ASB5: variants seen among roughly 807,000 people sequenced by gnomAD.
ASB5 encodes ankyrin repeat and SOCS box containing 5, also known as ankyrin repeat and SOCS box protein 5.
A neutral mutation model predicts 42.1 loss-of-function variants in ASB5; 45 were observed. The ratio of observed to expected loss-of-function variants is 1.07; its 90% CI spans 0.84 to 1.37. The LOEUF is 1.37. Ranked by LOEUF, ASB5 falls within the 40% of genes most tolerant of loss-of-function variation. The pLI is 0.00. For missense variants in ASB5, 402 were observed against 399.8 expected (o/e 1.01, Z -0.05); for synonymous variants, 147 against 150.6 (o/e 0.98, Z 0.18).
chr4:176,268,884 G>A (rs1249156254), intron 1 of ASB5, 29 bp downstream of exon 1: 1 of 1,498,990 alleles, frequency 6.7e-7, no homozygotes, highest in Non-Finnish European at 9.0e-7. Flanking sequence ...AACTCCACTT[G>A]AAACAAGAGA....
intron 1 of ASB5, among the ~76,000 whole-genome samples, chr4:176,238,105 C>T (rs1318918616): frequency 6.6e-6 from 1 of 151,658 alleles, no homozygotes; most frequent in Non-Finnish European, 1.5e-5. Context: ...CGCCTGTAGT[C>T]CCAGCTACTC....
At chr4:176,218,711 G>T (rs1228494790) in intron 5 of ASB5, among the ~76,000 whole-genome samples, 1 of 22,964 alleles carries the variant, frequency 4.4e-5, no homozygotes, top group African/African-American at 1.6e-4. Context: ...ATATATATTT[G>T]TATGATATAT....
At chr4:176,254,913 C>G (rs563816471) in intron 1 of ASB5, among the ~76,000 whole-genome samples, 1 of 152,106 alleles carries the variant, frequency 6.6e-6, no homozygotes, top group Non-Finnish European at 1.5e-5. Context: ...GAGTGGATCA[C>G]GAGGTCAGGC....
rs1754423021 is a variant in ASB5 at position 176,269,140 on chromosome 4, T to C, written c.-32A>G. ...AGAAGAATCTGCGGCGGTCTTTAGTTGGATCCAAGTCTCAAATGTGCCTGG... is the reference window on the plus strand; with the variant it reads ...AGAAGAATCTGCGGCGGTCTTTAGTCGGATCCAAGTCTCAAATGTGCCTGG... On this transcript the variant is annotated 5_prime_UTR_variant, in exon 1 of 7. Coordinates refer to ENST00000296525, the MANE Select transcript of ASB5 (RefSeq NM_080874.4). 1 of 1,588,590 alleles carries C rather than the reference T, an allele frequency of 6.3e-7. No homozygotes were observed. Among genetic ancestry groups the C allele is most frequent in the Admixed American group, 1.7e-5 (1 of 58,244 alleles).
At chr4:176,256,756 T>C (rs938246145) in intron 1 of ASB5, among the ~76,000 whole-genome samples, 6 of 152,186 alleles carry the variant, frequency 3.9e-5, no homozygotes, top group African/African-American at 1.2e-4. Flanking sequence ...CTGGGCAACA[T>C]GGTGAAACCC....
intron 2 of ASB5, among the ~76,000 whole-genome samples, chr4:176,275,421 A>C (rs771274588): frequency 3.9e-5 from 6 of 152,224 alleles, no homozygotes; most frequent in Non-Finnish European, 7.3e-5. Context: ...AATCTATTTT[A>C]ACTCCAGTTA....
chr4:176,219,189 T>G (rs1261167239), intron 5 of ASB5, among the ~76,000 whole-genome samples: 1 of 119,930 alleles, frequency 8.3e-6, no homozygotes, highest in Non-Finnish European at 1.6e-5. Flanking sequence ...GTATGACATA[T>G]AAATATATAT....
chr4:176,249,192 T>C (rs1265031442), intron 1 of ASB5, among the ~76,000 whole-genome samples: 3 of 152,130 alleles, frequency 2.0e-5, no homozygotes, highest in African/African-American at 7.2e-5. Context: ...GTCTTGAACT[T>C]CTGACTTCAA....
upstream of ASB5, chr4:176,269,365 C>A: frequency 3.0e-6 from 1 of 331,228 alleles, no homozygotes. Flanking sequence ...AAATGACACT[C>A]CACCTCTGTG....
At chr4:176,242,664 G>A (rs1753833503) in intron 1 of ASB5, among the ~76,000 whole-genome samples, 1 of 152,112 alleles carries the variant, frequency 6.6e-6, no homozygotes, top group Non-Finnish European at 1.5e-5. Context: ...GAGGTTGTCT[G>A]TCCAAAGAAC....
At chr4:176,230,240 T>C (rs1310065342) in intron 1 of ASB5, among the ~76,000 whole-genome samples, 4 of 152,160 alleles carry the variant, frequency 2.6e-5, no homozygotes, top group African/African-American at 9.7e-5. Flanking sequence ...AAGATGAGTT[T>C]TAGGGAACAA....
At chr4:176,250,208 T>C (rs1056899981) in intron 1 of ASB5, among the ~76,000 whole-genome samples, 4 of 152,264 alleles carry the variant, frequency 2.6e-5, no homozygotes, top group African/African-American at 9.6e-5. Flanking sequence ...GTCAAGTACA[T>C]TTACGTTCTG....
At chr4:176,234,045 A>G (rs1222513766) in intron 1 of ASB5, among the ~76,000 whole-genome samples, 1 of 152,134 alleles carries the variant, frequency 6.6e-6, no homozygotes, top group Non-Finnish European at 1.5e-5. Context: ...TTTGTATCTC[A>G]GCCTCCACCA....
At chr4:176,222,235 A>G (rs1753234256) in intron 3 of ASB5, 78 bp downstream of exon 3, 1 of 1,327,912 alleles carries the variant, frequency 7.5e-7, no homozygotes, top group Non-Finnish European at 1.1e-6. Context: ...AATGAAGGAA[A>G]GAAAAGTAAA....
chr4:176,268,789 T>C (rs1008990631), intron 1 of ASB5, 124 bp downstream of exon 1: 5 of 812,932 alleles, frequency 6.2e-6, no homozygotes, highest in Non-Finnish European at 8.9e-6. Context: ...GAGTTACAAG[T>C]ATTTCCCTTA....
chr4:176,261,765 T>C (rs959471691), intron 1 of ASB5, among the ~76,000 whole-genome samples: 7 of 152,174 alleles, frequency 4.6e-5, no homozygotes, highest in Non-Finnish European at 1.0e-4. Flanking sequence ...CGCCATATGG[T>C]TTTCTACCTC....
intron 5 of ASB5, among the ~76,000 whole-genome samples, chr4:176,218,609 G>A (rs868644494): frequency 2.9e-5 from 3 of 102,794 alleles, no homozygotes; most frequent in Non-Finnish European, 5.4e-5. Context: ...AAATATATAT[G>A]TATGATATAT....
chr4:176,246,876 G>A (rs1434177660), intron 1 of ASB5, among the ~76,000 whole-genome samples: 4 of 151,968 alleles, frequency 2.6e-5, no homozygotes, highest in African/African-American at 9.7e-5. Context: ...AATAAAAATG[G>A]TACAACATTT....
At chr4:176,241,837 C>T (rs1753817734) in intron 1 of ASB5, 1 of 194,494 alleles carries the variant, frequency 5.1e-6, no homozygotes, top group Non-Finnish European at 9.3e-6. Flanking sequence ...AGTGATATCT[C>T]CTCTCCTATA....
Sources: gnomAD v4.1 joint callset for allele counts (sites outside exome capture counted in the v4.1 genomes callset) on GRCh38, gnomAD v4.1.1 for gene constraint, MANE v1.5 for transcripts, NCBI Gene and HGNC (gene_info 2026-07-23, HGNC 2026-07-21) for gene names.